ARHGEF28: variants seen among roughly 807,000 people sequenced by gnomAD.
ARHGEF28 encodes Rho guanine nucleotide exchange factor 28, also known as 190 kDa guanine nucleotide exchange factor.
A neutral mutation model predicts 206.6 loss-of-function variants in ARHGEF28; 152 were observed. The observed-to-expected ratio is 0.74, with a 90% confidence interval of 0.64 to 0.84. The LOEUF (loss-of-function observed/expected upper bound fraction) is 0.84. Among genes scored for constraint, ARHGEF28 ranks in the 40% least tolerant of loss-of-function variants. The pLI is 0.00. For missense variants in ARHGEF28, 2,028 were observed against 2,073.2 expected (o/e 0.98, Z 0.42); for synonymous variants, 763 against 776.4 (o/e 0.98, Z 0.29).
At chr5:73,735,204 A>C (rs993926317) in intron 2 of ARHGEF28, among the ~76,000 whole-genome samples, 1 of 151,308 alleles carries the variant, frequency 6.6e-6, no homozygotes, top group Non-Finnish European at 1.5e-5. Context: ...GTAATTAATA[A>C]ATTAATACAT....
intron 2 of ARHGEF28, among the ~76,000 whole-genome samples, chr5:73,722,042 T>A (rs904840182): frequency 2.0e-5 from 3 of 152,190 alleles, no homozygotes; most frequent in African/African-American, 7.2e-5. Context: ...TCAATTATGA[T>A]CTTTTGCTGC....
chr5:73,881,268 G>T (rs1760920079), intron 22 of ARHGEF28, among the ~76,000 whole-genome samples: 1 of 151,950 alleles, frequency 6.6e-6, no homozygotes. Flanking sequence ...AATTGTTCTA[G>T]CTGTTCTAGT....
At chr5:73,917,800 G>GA (rs1205230110) in intron 35 of ARHGEF28, among the ~76,000 whole-genome samples, 2 of 152,146 alleles carry the variant, frequency 1.3e-5, no homozygotes, top group African/African-American at 2.4e-5. Flanking sequence ...CTTTAAAAAT[G>GA]AAAAAAATAA....
At chr5:73,879,316 A>G (rs1760752594) in intron 22 of ARHGEF28, among the ~76,000 whole-genome samples, 1 of 152,090 alleles carries the variant, frequency 6.6e-6, no homozygotes, top group African/African-American at 2.4e-5. Flanking sequence ...TATTCTAGTT[A>G]TACATTCGTC....
chr5:73,743,465 C>G (rs1304137363), intron 2 of ARHGEF28, among the ~76,000 whole-genome samples: 1 of 152,150 alleles, frequency 6.6e-6, no homozygotes, highest in Non-Finnish European at 1.5e-5. Flanking sequence ...TGGACACCTA[C>G]TATAAAGGCT....
At chr5:73,632,786 C>A (rs1743449487) in intron 1 of ARHGEF28, among the ~76,000 whole-genome samples, 1 of 152,094 alleles carries the variant, frequency 6.6e-6, no homozygotes, top group Non-Finnish European at 1.5e-5. Context: ...CTTCCAGATG[C>A]TATCTGACGG....
At chr5:73,757,999 A>G (rs10474398) in intron 4 of ARHGEF28, among the ~76,000 whole-genome samples, 52,744 of 151,996 alleles carry the variant, frequency 0.35, 10,342 homozygotes, top group African/African-American at 0.53. Context: ...GTTGATGCTC[A>G]GATGACTTTG....
chr5:73,731,995 G>C (rs990139665), intron 2 of ARHGEF28, among the ~76,000 whole-genome samples: 6 of 150,310 alleles, frequency 4.0e-5, no homozygotes, highest in African/African-American at 1.5e-4. Flanking sequence ...CCCCCACCAG[G>C]AATATCACAA....
At chr5:73,819,327 GAC>G (rs1227359050) in intron 9 of ARHGEF28, among the ~76,000 whole-genome samples, 2 of 152,198 alleles carry the variant, frequency 1.3e-5, no homozygotes, top group Non-Finnish European at 2.9e-5. Flanking sequence ...AGGTCCAAAT[GAC>G]GCTGCCAACT....
intron 1 of ARHGEF28, among the ~76,000 whole-genome samples, chr5:73,657,779 T>C (rs2112181029): frequency 6.6e-6 from 1 of 152,298 alleles, no homozygotes; most frequent in African/African-American, 2.4e-5. Flanking sequence ...TGGCTACTGG[T>C]CATATTTTTC....
intron 4 of ARHGEF28, among the ~76,000 whole-genome samples, chr5:73,763,424 G>A (rs1436231882): frequency 6.6e-6 from 1 of 152,182 alleles, no homozygotes; most frequent in Non-Finnish European, 1.5e-5. Context: ...CTGGCTGTAG[G>A]CGAATGGCCA....
At chr5:73,910,033 G>A in intron 34 of ARHGEF28, 136 bp downstream of exon 34, 1 of 1,305,726 alleles carries the variant, frequency 7.7e-7, no homozygotes, top group Non-Finnish European at 9.9e-7. Context: ...CAATTTGTAG[G>A]TAGCCAAAGC....
intron 35 of ARHGEF28, among the ~76,000 whole-genome samples, chr5:73,917,289 G>A (rs1333185185): frequency 6.6e-6 from 1 of 152,176 alleles, no homozygotes; most frequent in Non-Finnish European, 1.5e-5. Context: ...TTCTAGAATC[G>A]TGACTATCAC....
At chr5:73,932,933 C>G (rs1370389993) in intron 35 of ARHGEF28, among the ~76,000 whole-genome samples, 2 of 149,724 alleles carry the variant, frequency 1.3e-5, no homozygotes, top group African/African-American at 2.5e-5. Flanking sequence ...CTCAGCCTCC[C>G]GTGTAGCTGG....
chr5:73,868,845 C>A (rs1482790926), intron 20 of ARHGEF28, among the ~76,000 whole-genome samples: 1 of 152,168 alleles, frequency 6.6e-6, no homozygotes, highest in Non-Finnish European at 1.5e-5. Flanking sequence ...TGGGGTTTCA[C>A]CACATTGGCC....
At chr5:73,742,956 A>G (rs896619049) in intron 2 of ARHGEF28, among the ~76,000 whole-genome samples, 5 of 152,138 alleles carry the variant, frequency 3.3e-5, no homozygotes, top group African/African-American at 1.2e-4. Context: ...AAACTCCGTG[A>G]CATTATAATA....
chr5:73,629,323 C>A (rs1298679499), intron 1 of ARHGEF28, among the ~76,000 whole-genome samples: 2 of 151,700 alleles, frequency 1.3e-5, no homozygotes, highest in African/African-American at 2.4e-5. Context: ...CATGGCAAAA[C>A]CCTGTCTCTA....
rs1758372748 is a variant in ARHGEF28 at position 73,846,481 on chromosome 5, C to CT, written c.1635+8dup. The CT allele has an allele frequency of 1.2e-6, 2 of 1,610,694 alleles. No homozygotes were observed. Among genetic ancestry groups the CT allele is most frequent in the African/African-American group, 2.7e-5 (2 of 74,776 alleles). On this transcript the variant is annotated splice_region_variant and intron_variant, in intron 12 of 35. Coordinates refer to ENST00000513042, the MANE Select transcript of ARHGEF28 (RefSeq NM_001177693.2). ...CAAGTAATCTACAGTCGAAGGTATT[C>CT]TTATTGCTATTAATTTGGTATATTG...
At chr5:73,890,483 G>C (rs949129208) in intron 26 of ARHGEF28, among the ~76,000 whole-genome samples, 13 of 152,224 alleles carry the variant, frequency 8.5e-5, no homozygotes, top group African/African-American at 3.1e-4. Context: ...CCTAATTAGA[G>C]AGGGCAGTAT....
Sources: allele counts gnomAD v4.1 joint callset (sites outside exome capture counted in the v4.1 genomes callset), GRCh38; gene constraint gnomAD v4.1.1; transcripts MANE v1.5; gene names NCBI Gene and HGNC (gene_info 2026-07-23, HGNC 2026-07-21).